PDE1A: variants seen among roughly 807,000 people sequenced by gnomAD.
PDE1A encodes the protein dual specificity calcium/calmodulin-dependent 3',5'-cyclic nucleotide phosphodiesterase 1A.
Under a neutral mutation model 61.7 loss-of-function variants are expected in PDE1A, and 35 were observed. The ratio of observed to expected loss-of-function variants is 0.57; its 90% CI spans 0.43 to 0.75. The LOEUF is 0.75. Ranked by LOEUF, PDE1A falls within the 30% of genes least tolerant of loss-of-function variation. The probability of loss-of-function intolerance (pLI) is 0.00; values close to 1 mark genes in which losing one functional copy is unlikely to be tolerated. For synonymous variants in PDE1A, 232 were observed against 213.2 expected (o/e 1.09, Z -0.77); for missense variants, 597 against 630.6 (o/e 0.95, Z 0.57).
At chr2:182,460,163 T>A (rs1686184869) in intron 2 of PDE1A, among the ~76,000 whole-genome samples, 1 of 152,078 alleles carries the variant, frequency 6.6e-6, no homozygotes. Flanking sequence ...CTGCATAAAA[T>A]CCATCAATCC....
intron 1 of PDE1A, among the ~76,000 whole-genome samples, chr2:182,370,230 T>C (rs1484056362): frequency 1.3e-5 from 2 of 152,080 alleles, no homozygotes; most frequent in Non-Finnish European, 2.9e-5. Flanking sequence ...TTAATCTTTT[T>C]TCCTGTGAGA....
intron 2 of PDE1A, among the ~76,000 whole-genome samples, chr2:182,505,617 C>A (rs1299591844): frequency 6.6e-6 from 1 of 152,112 alleles, no homozygotes; most frequent in Non-Finnish European, 1.5e-5. Context: ...TGGTTTATAT[C>A]CACCCCACAT....
chr2:182,426,845 C>G (rs1703654726), exon 1 of PDE1A: 6 of 1,376,352 alleles, frequency 4.4e-6, no homozygotes, highest in Admixed American at 3.1e-5. Context: ...CGTTGGGGCA[C>G]TCCCCCACAG....
intron 13 of PDE1A, among the ~76,000 whole-genome samples, chr2:182,169,912 A>ACACACG (rs1691996309): frequency 8.5e-6 from 1 of 117,216 alleles, no homozygotes. Flanking sequence ...ACACACACAC[A>ACACACG]CACACACACG....
chr2:182,446,264 T>C (rs1685125225), intron 2 of PDE1A, among the ~76,000 whole-genome samples: 1 of 152,070 alleles, frequency 6.6e-6, no homozygotes, highest in African/African-American at 2.4e-5. Context: ...CTAGAAGAGA[T>C]TGTGGACCAC....
At chr2:182,428,195 C>T (rs773530248), upstream of PDE1A, among the ~76,000 whole-genome samples, 4 of 151,970 alleles carry the variant, frequency 2.6e-5, no homozygotes, top group Non-Finnish European at 2.9e-5. Flanking sequence ...GCAAATATGC[C>T]GGGCCACTGT....
chr2:182,414,856 T>G (rs1406941692), intron 1 of PDE1A, among the ~76,000 whole-genome samples: 2 of 152,088 alleles, frequency 1.3e-5, no homozygotes, highest in South Asian at 2.1e-4. Flanking sequence ...GGATCAAAAT[T>G]TTTCAACTTT....
At chr2:182,269,931 G>A (rs1324337539) in intron 1 of PDE1A, among the ~76,000 whole-genome samples, 1 of 152,042 alleles carries the variant, frequency 6.6e-6, no homozygotes, top group South Asian at 2.1e-4. Context: ...GAGGCTATTG[G>A]TATATACCTT....
intron 3 of PDE1A, 48 bp from the exon 4 acceptor site, chr2:182,234,546 G>C: frequency 8.4e-7 from 1 of 1,194,530 alleles, no homozygotes; most frequent in South Asian, 1.3e-5. Flanking sequence ...TTTATTCAAA[G>C]TTTTCAACTA....
At chr2:182,705,779 G>A in the PDE1A span, among the ~76,000 whole-genome samples, 2 of 152,098 alleles carry the variant, frequency 1.3e-5, no homozygotes, top group African/African-American at 4.8e-5. Flanking sequence ...CTCCCAAAGT[G>A]TTGGGACTAC....
intron 1 of PDE1A, among the ~76,000 whole-genome samples, chr2:182,301,018 A>T (rs1695206473): frequency 6.6e-6 from 1 of 152,188 alleles, no homozygotes; most frequent in Admixed American, 6.5e-5. Flanking sequence ...TATTGGGATC[A>T]ATAAATATTT....
intron 2 of PDE1A, among the ~76,000 whole-genome samples, chr2:182,477,834 G>A (rs978319929): frequency 6.6e-6 from 1 of 151,930 alleles, no homozygotes; most frequent in Non-Finnish European, 1.5e-5. Context: ...TTTGACAGAA[G>A]CTGTATGATA....
At chr2:182,166,719 C>G (rs982308808), downstream of PDE1A, among the ~76,000 whole-genome samples, 6 of 152,152 alleles carry the variant, frequency 3.9e-5, no homozygotes, top group Non-Finnish European at 8.8e-5. Context: ...CTCTGGAGAA[C>G]CTTGACTAAT....
At chr2:182,310,497 G>T (rs1440300852) in intron 1 of PDE1A, among the ~76,000 whole-genome samples, 1 of 151,958 alleles carries the variant, frequency 6.6e-6, no homozygotes, top group South Asian at 2.1e-4. Flanking sequence ...CTCATTTAGG[G>T]CTTTATAAAC....
chr2:182,680,899 T>C, the PDE1A span, among the ~76,000 whole-genome samples: 70 of 152,326 alleles, frequency 4.6e-4, no homozygotes, highest in African/African-American at 1.5e-3. Flanking sequence ...TGCACTCTTA[T>C]TTATACCTAC....
At chr2:182,694,828 G>GT in the PDE1A span, among the ~76,000 whole-genome samples, 1 of 100,418 alleles carries the variant, frequency 1.0e-5, no homozygotes, top group East Asian at 2.4e-4. Context: ...AAAAAGGTGG[G>GT]GGGGGGGCAA....
intron 13 of PDE1A, among the ~76,000 whole-genome samples, chr2:182,153,437 A>G (rs16822749): frequency 3.3e-5 from 5 of 152,202 alleles, no homozygotes; most frequent in African/African-American, 1.2e-4. Flanking sequence ...AACTACTGTG[A>G]GCTCCTACCC....
chr2:182,146,542 G>A (rs143174209), downstream of PDE1A, among the ~76,000 whole-genome samples: 474 of 152,140 alleles, frequency 3.1e-3, 3 homozygotes, highest in Admixed American at 0.013. Context: ...CTGTAGTATA[G>A]TGGCCTGATC....
chr2:182,267,221 T>C (rs1348238631), intron 1 of PDE1A, among the ~76,000 whole-genome samples: 1 of 152,106 alleles, frequency 6.6e-6, no homozygotes, highest in Non-Finnish European at 1.5e-5. Context: ...ACAATGAACA[T>C]GCCCTTTCAC....
Sources: gnomAD v4.1 joint callset for allele counts (sites outside exome capture counted in the v4.1 genomes callset) on GRCh38, gnomAD v4.1.1 for gene constraint, MANE v1.5 for transcripts, NCBI Gene and HGNC (gene_info 2026-07-23, HGNC 2026-07-21) for gene names.